MAML3: variants seen among roughly 807,000 people sequenced by gnomAD.
MAML3 encodes mastermind-like protein 3.
A neutral mutation model predicts 101.9 loss-of-function variants in MAML3; 27 were observed. The observed-to-expected ratio is 0.27, with a 90% confidence interval of 0.20 to 0.37. The LOEUF is 0.37. Ranked by LOEUF, MAML3 falls within the 10% of genes least tolerant of loss-of-function variation. The pLI, the probability that MAML3 is intolerant of heterozygous loss-of-function variation, is 1.00. For missense variants in MAML3, 1,316 were observed against 1,444.9 expected (o/e 0.91, Z 1.45); for synonymous variants, 501 against 555.9 (o/e 0.90, Z 1.39).
rs1413736365 is a variant in MAML3, at chr4:140,148,565, A to G, written c.468+4295T>C. Among the ~76,000 whole-genome samples the G allele has an allele frequency of 2.0e-5, 3 of 152,252 alleles. No individual in the cohort carries two copies. The East Asian group carries it at 5.8e-4, about 29-fold the overall frequency. On this transcript the variant is annotated intron_variant, in intron 1 of 4. Coordinates refer to ENST00000509479, the MANE Select transcript of MAML3 (RefSeq NM_018717.5). ...ACCCATGCTAGCGGCAGAACAGGATAAGCCAAAGAAAAGGTTATCATAGGG... is the reference window on the plus strand; with the variant it reads ...ACCCATGCTAGCGGCAGAACAGGATGAGCCAAAGAAAAGGTTATCATAGGG...
intron 1 of MAML3, among the ~76,000 whole-genome samples, chr4:140,054,003 T>C (rs1017917355): frequency 4.6e-5 from 7 of 152,104 alleles, no homozygotes; most frequent in Non-Finnish European, 2.9e-5. Context: ...AAAGACAAGG[T>C]TTTTTCTCTT....
At chr4:139,787,336 CT>C (rs949847336) in intron 2 of MAML3, among the ~76,000 whole-genome samples, 2 of 152,218 alleles carry the variant, frequency 1.3e-5, no homozygotes, top group African/African-American at 4.8e-5. Flanking sequence ...GTTACATATT[CT>C]TTTTTGTTGA....
chr4:139,730,382 A>C (rs1728651149), intron 3 of MAML3, 34 bp downstream of exon 3: 2 of 1,502,218 alleles, frequency 1.3e-6, no homozygotes, highest in East Asian at 4.9e-5. Flanking sequence ...TGCTTGCTGA[A>C]TGAATGAATG....
chr4:139,938,294 T>C (rs1463372804), intron 1 of MAML3, among the ~76,000 whole-genome samples: 1 of 152,050 alleles, frequency 6.6e-6, no homozygotes, highest in Non-Finnish European at 1.5e-5. Context: ...ATCCTACAAG[T>C]CGGGGAGACC....
intron 1 of MAML3, among the ~76,000 whole-genome samples, chr4:139,991,899 T>A (rs542718385): frequency 2.6e-5 from 4 of 152,020 alleles, no homozygotes; most frequent in East Asian, 1.9e-4. Context: ...AAAAAAAAAA[T>A]TTCAAGTGTA....
At chr4:140,147,297 T>C (rs1578709400) in intron 1 of MAML3, among the ~76,000 whole-genome samples, 1 of 152,172 alleles carries the variant, frequency 6.6e-6, no homozygotes, top group Non-Finnish European at 1.5e-5. Flanking sequence ...TGCTGCTGAA[T>C]GAATGAATGA....
intron 1 of MAML3, among the ~76,000 whole-genome samples, chr4:140,116,017 A>G (rs1337148405): frequency 6.6e-6 from 1 of 152,204 alleles, no homozygotes; most frequent in Non-Finnish European, 1.5e-5. Context: ...TATTTGCCAA[A>G]TAAATGTCCT....
chr4:139,791,533 T>G (rs1052547167), intron 2 of MAML3, among the ~76,000 whole-genome samples: 10 of 148,694 alleles, frequency 6.7e-5, no homozygotes, highest in African/African-American at 2.5e-4. Context: ...GCACCCATTA[T>G]CTAAATAAAC....
intron 1 of MAML3, among the ~76,000 whole-genome samples, chr4:139,958,684 T>C (rs1318212973): frequency 2.0e-5 from 3 of 152,186 alleles, no homozygotes; most frequent in Non-Finnish European, 4.4e-5. Flanking sequence ...TTGATGCCTA[T>C]CTTCACGTTC....
intron 1 of MAML3, among the ~76,000 whole-genome samples, chr4:140,074,260 A>AGAAG (rs1553973063): frequency 6.0e-5 from 9 of 150,790 alleles, no homozygotes; most frequent in African/African-American, 2.2e-4. Flanking sequence ...AAAGAAAGAA[A>AGAAG]GAGGACATGT....
intron 2 of MAML3, among the ~76,000 whole-genome samples, chr4:139,870,436 G>A (rs1731986118): frequency 6.6e-6 from 1 of 152,164 alleles, no homozygotes; most frequent in Non-Finnish European, 1.5e-5. Context: ...TCTAGCAGAT[G>A]AGAATAACTC....
At position 139,889,471 on chromosome 4, in the gene MAML3, C is replaced by T; in HGVS notation, c.1965G>A (p.Gln655=). 1.2e-6 allele frequency: 2 copies of T among 1,613,966 alleles called. No individual in the cohort carries two copies. The highest frequency in any genetic ancestry group is 1.7e-6 in the Non-Finnish European group (2 of 1,179,884). The change falls in exon 2 of 5, where the codon CAG becomes CAA. Residue 655 remains glutamine, a synonymous_variant. Transcript: ENST00000509479. ...QQQQQQPPPP[Q]LQAPRAHLSE... ...TCAGGTGTGCCCTGGGGGCCTGGAG[C>T]TGTGGAGGTGGCGGCTGCTGCTGCT...
intron 1 of MAML3, among the ~76,000 whole-genome samples, chr4:139,990,771 A>G (rs1396680803): frequency 6.6e-6 from 1 of 152,186 alleles, no homozygotes; most frequent in Non-Finnish European, 1.5e-5. Flanking sequence ...ACAAACAGAG[A>G]GCCAAATTAT....
At position 139,917,091 on chromosome 4, in the gene MAML3, G is replaced by C. The variant is rs898884342; in HGVS notation, c.469-26124C>G. On this transcript the variant is annotated intron_variant, in intron 1 of 4. Transcript: ENST00000509479. The stretch of plus-strand genomic sequence containing the variant: ...ATTTTGTGGGTATGTGTCTTTTTCA[G>C]GAAAGAAGGTCCAAAGCTTTTCTCA... 2.6e-5 allele frequency among the ~76,000 whole-genome samples: 4 copies of C among 152,250 alleles called. No homozygotes were observed. The South Asian group carries it at 8.3e-4, about 32-fold the overall frequency.
At chr4:139,748,526 G>A (rs1200570858) in intron 2 of MAML3, among the ~76,000 whole-genome samples, 2 of 152,166 alleles carry the variant, frequency 1.3e-5, no homozygotes, top group African/African-American at 2.4e-5. Context: ...GAGTAAAACT[G>A]AAGGAGCAGG....
intron 1 of MAML3, among the ~76,000 whole-genome samples, chr4:140,042,466 C>A (rs1167565576): frequency 5.9e-5 from 9 of 152,042 alleles, no homozygotes; most frequent in Admixed American, 3.9e-4. Flanking sequence ...AACCCCATCT[C>A]TACTAAAAAT....
rs1033324797 is a variant in MAML3 at position 139,719,122 on chromosome 4, G to T, written c.*201C>A. Reference sequence around the variant, plus strand: ...CGGGATCTGCATGGCGTCTCATCTCGATTGCTGTGTGAAAATCAGGTGAAA... The same window carrying T: ...CGGGATCTGCATGGCGTCTCATCTCTATTGCTGTGTGAAAATCAGGTGAAA... On this transcript the variant is annotated 3_prime_UTR_variant, in exon 5 of 5. Coordinates refer to ENST00000509479, the MANE Select transcript of MAML3 (RefSeq NM_018717.5). The T allele has an allele frequency of 3.4e-6, 2 of 587,852 alleles. No homozygotes were observed. The highest frequency in any genetic ancestry group is 5.7e-6 in the Non-Finnish European group (2 of 347,932). The allele number at this position is 587,852 out of a possible 1,614,324, so 36.4% of individuals were successfully genotyped here. A position where few individuals can be genotyped will look rare whatever the true frequency, so the allele number is the denominator to read the frequency against.
intron 2 of MAML3, 71 bp from the exon 3 acceptor site, chr4:139,730,738 C>G: frequency 7.0e-7 from 1 of 1,428,932 alleles, no homozygotes; most frequent in Non-Finnish European, 9.6e-7. Context: ...AGGGAAGCCC[C>G]TGGAAAAAGG....
intron 1 of MAML3, among the ~76,000 whole-genome samples, chr4:140,131,226 A>C (rs1280399721): frequency 6.6e-6 from 1 of 152,224 alleles, no homozygotes; most frequent in Non-Finnish European, 1.5e-5. Context: ...AACGCTATGC[A>C]AAGTTACTAA....
Sources: allele counts gnomAD v4.1 joint callset (sites outside exome capture counted in the v4.1 genomes callset), GRCh38; gene constraint gnomAD v4.1.1; transcripts MANE v1.5; gene names NCBI Gene and HGNC (gene_info 2026-07-23, HGNC 2026-07-21).